The following PSMA1 variants were observed in gnomAD, a reference collection of about 807,000 sequenced individuals.
The protein encoded by PSMA1 is proteasome subunit alpha type-1.
Under a neutral mutation model 38.4 loss-of-function variants are expected in PSMA1, and 3 were observed. The ratio of observed to expected loss-of-function variants is 0.08; its 90% CI spans 0.04 to 0.20. The LOEUF is 0.20. PSMA1 is among the 10% of genes least tolerant of loss of function. The pLI is 1.00. For synonymous variants in PSMA1, 101 were observed against 107.1 expected, an observed-to-expected ratio of 0.94 and a Z score of 0.35; for missense variants, 227 against 325.3, an observed-to-expected ratio of 0.70 and a Z score of 2.32.
chr11:14,614,085 A>C (rs569400828), intron 1 of PSMA1, among the ~76,000 whole-genome samples: 1 of 152,350 alleles, frequency 6.6e-6, no homozygotes, highest in South Asian at 2.1e-4. Context: ...TTTAAATAAT[A>C]AAATGAAGCT....
intron 6 of PSMA1, 42 bp downstream of exon 6, chr11:14,513,775 T>TA (rs750487173): frequency 1.2e-5 from 18 of 1,543,724 alleles, no homozygotes; most frequent in East Asian, 9.2e-5. Context: ...TCTAGTTAAT[T>TA]AAAAAAAATC....
rs551912333 is a variant in PSMA1, at chr11:14,552,420, G to T, written c.22-33379C>A. Among the ~76,000 whole-genome samples, 7 of 152,308 alleles carry T rather than the reference G, an allele frequency of 4.6e-5. No individual in the cohort carries two copies. The South Asian group carries it at 1.4e-3, about 32-fold the overall frequency. On this transcript the variant is annotated intron_variant, in intron 2 of 10. Transcript: ENST00000418988. ...AATAAGTTGATTTAAAGAAGAGAGA[G>T]AAACTTGTTTTTTTCTTGCACATCT...
At chr11:14,585,092 C>A (rs1010287369) in intron 2 of PSMA1, among the ~76,000 whole-genome samples, 2 of 152,198 alleles carry the variant, frequency 1.3e-5, no homozygotes, top group Non-Finnish European at 2.9e-5. Flanking sequence ...CAATTACTCT[C>A]TTTACTGATT....
chr11:14,582,684 A>T (rs1589999056), intron 2 of PSMA1, among the ~76,000 whole-genome samples: 2 of 138,838 alleles, frequency 1.4e-5, no homozygotes, highest in Non-Finnish European at 1.5e-5. Flanking sequence ...GGCCCAGCTA[A>T]TTTTTTTTTT....
chr11:14,611,396 C>T (rs1852707014), intron 1 of PSMA1, among the ~76,000 whole-genome samples: 1 of 151,910 alleles, frequency 6.6e-6, no homozygotes, highest in Admixed American at 6.6e-5. Flanking sequence ...GGTTAGTGGT[C>T]AATAAATGTT....
intron 1 of PSMA1, among the ~76,000 whole-genome samples, chr11:14,620,720 T>A (rs2134203196): frequency 6.6e-6 from 1 of 152,326 alleles, no homozygotes; most frequent in East Asian, 1.9e-4. Context: ...GTGGCTCAAC[T>A]TTTTTTGTAG....
intron 1 of PSMA1, among the ~76,000 whole-genome samples, chr11:14,633,490 C>T (rs1363838890): frequency 6.6e-6 from 1 of 152,018 alleles, no homozygotes; most frequent in African/African-American, 2.4e-5. Flanking sequence ...AGGCAGTCTG[C>T]CCGTTCTCAG....
At chr11:14,620,527 A>G (rs777156444) in intron 1 of PSMA1, among the ~76,000 whole-genome samples, 15 of 152,236 alleles carry the variant, frequency 9.9e-5, no homozygotes, top group Non-Finnish European at 2.1e-4. Context: ...CTGGATGTTA[A>G]AAGTGCTAAT....
intron 1 of PSMA1, chr11:14,611,201 C>T (rs551649915): frequency 4.0e-6 from 2 of 505,672 alleles, no homozygotes; most frequent in Non-Finnish European, 7.0e-6. Context: ...ATTAGATCTT[C>T]ATCAGACATC....
chr11:14,518,108 T>C lies in PSMA1; in HGVS notation c.49-127A>G. The C allele has an allele frequency of 6.4e-6, 4 of 626,272 alleles. No individual in the cohort carries two copies. The East Asian group carries it at 1.3e-4, about 20-fold the overall frequency. 38.8% of individuals were successfully genotyped at this position (626,272 alleles called of 1,614,324 possible). ...ATTTTTTTTTTAATCAAGAGACCTT[T>C]TTTTTTTTTTGAGACAGGTTCTCAC... is the stretch of plus-strand genomic sequence containing the variant. On this transcript the variant is annotated intron_variant, in intron 2 of 9. Coordinates refer to ENST00000396394, the MANE Select transcript of PSMA1 (RefSeq NM_002786.4).
chr11:14,628,394 C>T (rs1205338019), intron 1 of PSMA1, among the ~76,000 whole-genome samples: 20 of 140,968 alleles, frequency 1.4e-4, no homozygotes, highest in African/African-American at 5.1e-4. Flanking sequence ...TCAATTCCCA[C>T]CTATGAGTGA....
At chr11:14,509,924 C>T (rs1468724869) in intron 8 of PSMA1, among the ~76,000 whole-genome samples, 5 of 150,940 alleles carry the variant, frequency 3.3e-5, no homozygotes, top group East Asian at 2.0e-4. Flanking sequence ...GGGGTTTCAC[C>T]GTGTTAGCCA....
intron 2 of PSMA1, among the ~76,000 whole-genome samples, chr11:14,541,445 C>T (rs1384168888): frequency 6.6e-6 from 1 of 152,222 alleles, no homozygotes; most frequent in Non-Finnish European, 1.5e-5. Context: ...TGGGGGAGCT[C>T]TGCTCTGGCC....
chr11:14,522,340 C>G (rs1851540551), upstream of PSMA1, among the ~76,000 whole-genome samples: 1 of 152,128 alleles, frequency 6.6e-6, no homozygotes, highest in African/African-American at 2.4e-5. Context: ...TATTCTTGTA[C>G]ATACACACCT....
intron 2 of PSMA1, among the ~76,000 whole-genome samples, chr11:14,567,034 T>A (rs1852080389): frequency 6.6e-6 from 1 of 151,624 alleles, no homozygotes; most frequent in Non-Finnish European, 1.5e-5. Context: ...CACATGAGAG[T>A]CAAAATTATG....
chr11:14,577,970 A>T (rs1852238611), intron 2 of PSMA1, among the ~76,000 whole-genome samples: 1 of 152,132 alleles, frequency 6.6e-6, no homozygotes, highest in African/African-American at 2.4e-5. Context: ...GAGAACCACA[A>T]ATTAGATCAT....
intron 2 of PSMA1, among the ~76,000 whole-genome samples, chr11:14,599,928 G>T (rs1419200159): frequency 6.6e-6 from 1 of 152,006 alleles, no homozygotes; most frequent in Non-Finnish European, 1.5e-5. Flanking sequence ...GGGTTTTGGT[G>T]TAGATGACCT....
intron 2 of PSMA1, among the ~76,000 whole-genome samples, chr11:14,604,065 C>T (rs1176927711): frequency 1.3e-5 from 2 of 152,194 alleles, no homozygotes; most frequent in Non-Finnish European, 2.9e-5. Flanking sequence ...CTTCTAACTA[C>T]TAAATGTCCT....
chr11:14,588,873 G>A (rs1284216332), intron 2 of PSMA1, among the ~76,000 whole-genome samples: 2 of 152,146 alleles, frequency 1.3e-5, no homozygotes, highest in East Asian at 1.9e-4. Flanking sequence ...GGCCAACCAC[G>A]CCCTGGTTCT....
Sources: allele counts gnomAD v4.1 joint callset (sites outside exome capture counted in the v4.1 genomes callset), GRCh38; gene constraint gnomAD v4.1.1; transcripts MANE v1.5; gene names NCBI Gene and HGNC (gene_info 2026-07-23, HGNC 2026-07-21).